COPS2: variants seen among roughly 807,000 people sequenced by gnomAD.
The protein encoded by COPS2 is COP9 signalosome subunit 2, also known as COP9 signalosome complex subunit 2.
A neutral mutation model predicts 66.1 loss-of-function variants in COPS2; 10 were observed. The observed-to-expected ratio is 0.15, with a 90% CI of 0.09 to 0.26. COPS2 has a LOEUF of 0.26. Ranked by LOEUF, COPS2 falls within the 10% of genes least tolerant of loss-of-function variation. The probability of loss-of-function intolerance (pLI) is 1.00; values close to 1 mark genes in which losing one functional copy is unlikely to be tolerated. For missense variants in COPS2, 215 were observed against 513.3 expected (o/e 0.42, Z 5.62); for synonymous variants, 179 against 171.3 (o/e 1.04, Z -0.35).
At position 49,137,173 on chromosome 15, in the gene COPS2, G is replaced by A. The variant is rs769174765; in HGVS notation, c.517C>T (p.Arg173Cys). 2 of 1,603,114 alleles carry A rather than the reference G, an allele frequency of 1.2e-6. No individual in the cohort carries two copies. Among genetic ancestry groups the A allele is most frequent in the Non-Finnish European group, 1.7e-6 (2 of 1,176,472 alleles). The part of the protein sequence containing the change: ...EEYGKLQKIL[R>C]QLHQSCQTDD... ...ACCTGGCACGACTGATGTAACTGGC[G>A]TAAAATTTTTTGAAGCTTTCCATAT... Residue 173 changes from arginine (R) to cysteine (C), a missense_variant, in exon 6 of 13, where the codon CGC (arginine) becomes TGC (cysteine). Arg to Cys is a radical substitution (Grantham distance 180). Around this residue, in one of 5 missense-constraint regions of COPS2, gnomAD observed 90 missense variants for 225.1 expected, o/e 0.40. Transcript: ENST00000388901.
chr15:49,139,778 T>G, intron 3 of COPS2, 125 bp from the exon 4 acceptor site: 1 of 687,548 alleles, frequency 1.5e-6, no homozygotes, highest in East Asian at 2.8e-5. Flanking sequence ...TGATATAGTT[T>G]TGTAAAAGAG....
At chr15:49,132,862 G>A (rs1183477940) in intron 9 of COPS2, among the ~76,000 whole-genome samples, 1 of 151,940 alleles carries the variant, frequency 6.6e-6, no homozygotes, top group Non-Finnish European at 1.5e-5. Flanking sequence ...GACTATGGTA[G>A]GTTCTTCAGT....
At chr15:49,128,233 T>C in intron 12 of COPS2, 139 bp from the exon 13 acceptor site, 1 of 715,182 alleles carries the variant, frequency 1.4e-6, no homozygotes, top group Non-Finnish European at 2.3e-6. Context: ...AGTGTTAGTT[T>C]TAACTTCACT....
In COPS2 at chr15:49,134,479, T is replaced by G; in HGVS notation, c.576A>C (p.Thr192=). The part of the protein sequence containing the change: ...DDGEDDLKKG[T]QLLEIYALEI... ...CCAAAGCATATATTTCTAATAACTG[T>G]GTACCTTTTTTCAGATCATCTTCTC... Residue 192 remains threonine (T), a synonymous_variant, in exon 7 of 13, where the codon ACA becomes ACC. Coordinates refer to ENST00000388901, the MANE Select transcript of COPS2 (RefSeq NM_004236.4). The G allele has an allele frequency of 6.2e-7, 1 of 1,611,830 alleles. No homozygotes were observed. The highest frequency in any genetic ancestry group is 8.5e-7 in the Non-Finnish European group (1 of 1,179,568).
intron 9 of COPS2, among the ~76,000 whole-genome samples, chr15:49,131,333 T>A (rs2084206998): frequency 6.6e-6 from 1 of 151,832 alleles, no homozygotes; most frequent in African/African-American, 2.4e-5. Flanking sequence ...TACCAGCAAC[T>A]GTGAAAATTT....
chr15:49,151,399 C>CAA (rs35587443), intron 1 of COPS2, among the ~76,000 whole-genome samples: 11 of 114,234 alleles, frequency 9.6e-5, no homozygotes, highest in African/African-American at 4.3e-4. Context: ...AACTCTGTCT[C>CAA]AAAAAAAAAA....
intron 6 of COPS2, among the ~76,000 whole-genome samples, 185 bp from the exon 7 acceptor site, chr15:49,134,699 T>C (rs1236344183): frequency 6.6e-6 from 1 of 152,210 alleles, no homozygotes; most frequent in Non-Finnish European, 1.5e-5. Flanking sequence ...ATACATCCTT[T>C]CTACTTTTTA....
intron 1 of COPS2, among the ~76,000 whole-genome samples, chr15:49,146,787 A>G (rs961100844): frequency 6.6e-6 from 1 of 152,174 alleles, no homozygotes; most frequent in African/African-American, 2.4e-5. Context: ...TAATTTTCAC[A>G]AAATGTAAAT....
At chr15:49,145,183 C>T in intron 1 of COPS2, 105 bp from the exon 2 acceptor site, 1 of 560,198 alleles carries the variant, frequency 1.8e-6, no homozygotes, top group South Asian at 2.7e-5. Context: ...CATATTTTTA[C>T]AAAACAAAAC....
intron 9 of COPS2, among the ~76,000 whole-genome samples, chr15:49,133,049 C>T (rs924563067): frequency 5.5e-5 from 8 of 144,344 alleles, no homozygotes; most frequent in African/African-American, 2.0e-4. Flanking sequence ...AGTTCTGTGG[C>T]GCAATCTCAG....
chr15:49,148,170 T>C (rs570299559), intron 1 of COPS2, among the ~76,000 whole-genome samples: 4 of 152,292 alleles, frequency 2.6e-5, no homozygotes, highest in Admixed American at 1.3e-4. Context: ...CTACTATTTA[T>C]ACTCAAAAAT....
At chr15:49,150,764 G>A (rs2084354622) in intron 1 of COPS2, among the ~76,000 whole-genome samples, 1 of 152,118 alleles carries the variant, frequency 6.6e-6, no homozygotes, top group Admixed American at 6.5e-5. Flanking sequence ...GAGAGAGAAG[G>A]GTGGGAGGAG....
At chr15:49,147,403 G>GA (rs2084328138) in intron 1 of COPS2, among the ~76,000 whole-genome samples, 1 of 151,894 alleles carries the variant, frequency 6.6e-6, no homozygotes, top group Non-Finnish European at 1.5e-5. Flanking sequence ...AAACAAATTA[G>GA]AAAAAACAAT....
At position 49,122,959 on chromosome 15, in the gene COPS2, T is replaced by C. The variant is rs2084136429; in HGVS notation, c.*4991A>G. On this transcript the variant is annotated 3_prime_UTR_variant, in exon 13 of 13. Coordinates refer to ENST00000388901, the MANE Select transcript of COPS2 (RefSeq NM_004236.4). ...TCAAGGAATTTGATACCTTTTATAT[T>C]AGCTTATCATAAACAAAATGGAGAA... is the stretch of plus-strand genomic sequence containing the variant. 6.6e-6 allele frequency: 1 copy of C among 152,188 alleles called. No individual in the cohort carries two copies. The highest frequency in any genetic ancestry group is 2.4e-5 in the African/African-American group (1 of 41,456). 9.4% of individuals were successfully genotyped at this position (152,188 alleles called of 1,614,324 possible).
At chr15:49,128,329 G>A (rs993586786) in intron 12 of COPS2, among the ~76,000 whole-genome samples, 11 of 152,144 alleles carry the variant, frequency 7.2e-5, no homozygotes, top group African/African-American at 1.2e-4. Flanking sequence ...AGATTTATCC[G>A]ATTAATCAAA....
chr15:49,131,178 A>C (rs935307730), intron 9 of COPS2, among the ~76,000 whole-genome samples: 2 of 152,166 alleles, frequency 1.3e-5, no homozygotes, highest in East Asian at 3.8e-4. Flanking sequence ...TTGTGCATTT[A>C]ATTCCTAATT....
intron 6 of COPS2, among the ~76,000 whole-genome samples, chr15:49,134,800 G>A (rs1049447790): frequency 1.1e-4 from 17 of 152,162 alleles, no homozygotes; most frequent in African/African-American, 3.1e-4. Flanking sequence ...TCCAGTGGAT[G>A]CCTGAAACTA....
chr15:49,136,498 A>T (rs2084252715), intron 6 of COPS2, among the ~76,000 whole-genome samples: 1 of 152,190 alleles, frequency 6.6e-6, no homozygotes, highest in Non-Finnish European at 1.5e-5. Flanking sequence ...GATATAGAAC[A>T]TTCCCAGTAT....
chr15:49,139,777 T>A, intron 3 of COPS2, 124 bp from the exon 4 acceptor site: 1 of 691,504 alleles, frequency 1.4e-6, no homozygotes, highest in East Asian at 2.8e-5. Context: ...CTGATATAGT[T>A]TTGTAAAAGA....
Sources: allele counts gnomAD v4.1 joint callset (sites outside exome capture counted in the v4.1 genomes callset), GRCh38; gene constraint gnomAD v4.1.1; regional missense constraint gnomAD v4.1.1; transcripts MANE v1.5; gene names NCBI Gene and HGNC (gene_info 2026-07-23, HGNC 2026-07-21).